The following MYO1D variants were observed in gnomAD, a reference collection of about 807,000 sequenced individuals.
The protein encoded by MYO1D is myosin ID, also known as unconventional myosin-Id.
MYO1D carries 83 observed loss-of-function variants against 122.0 expected under a neutral mutation model. The ratio of observed to expected loss-of-function variants is 0.68; its 90% CI spans 0.57 to 0.82. The LOEUF is 0.82. Among genes scored for constraint, MYO1D ranks in the 40% least tolerant of loss-of-function variants. The probability of loss-of-function intolerance (pLI) is 0.00; values close to 1 mark genes in which losing one functional copy is unlikely to be tolerated. For synonymous variants in MYO1D, 464 were observed against 446.9 expected (o/e 1.04, Z -0.48); for missense variants, 1,157 against 1,269.5 (o/e 0.91, Z 1.35).
intron 20 of MYO1D, among the ~76,000 whole-genome samples, chr17:32,627,588 T>C (rs1268762348): frequency 6.6e-6 from 1 of 152,116 alleles, no homozygotes; most frequent in Non-Finnish European, 1.5e-5. Flanking sequence ...GTTCAGATAA[T>C]TGTCTCTTTT....
chr17:32,544,568 C>G (rs2086948395), intron 21 of MYO1D, among the ~76,000 whole-genome samples: 2 of 152,182 alleles, frequency 1.3e-5, no homozygotes, highest in Admixed American at 1.3e-4. Flanking sequence ...TGAAGGTACT[C>G]TTAGAGAATA....
intron 1 of MYO1D, among the ~76,000 whole-genome samples, chr17:32,852,695 T>C (rs1188868085): frequency 6.6e-6 from 1 of 152,222 alleles, no homozygotes; most frequent in African/African-American, 2.4e-5. Flanking sequence ...AATTGAATTA[T>C]GGGTGAATAT....
At chr17:32,498,115 C>T (rs1909186276) in intron 21 of MYO1D, 1 of 152,312 alleles carries the variant, frequency 6.6e-6, no homozygotes, top group Non-Finnish European at 1.5e-5. Context: ...AGAGACTCGC[C>T]TGAGTGCTGA....
At chr17:32,580,288 G>A in intron 21 of MYO1D, among the ~76,000 whole-genome samples, 1 of 83,638 alleles carries the variant, frequency 1.2e-5, no homozygotes, top group South Asian at 4.7e-4. Context: ...CTGCTAAGAG[G>A]ATTTTTTTTT....
intron 20 of MYO1D, among the ~76,000 whole-genome samples, chr17:32,606,607 T>G (rs1320435139): frequency 1.3e-5 from 2 of 152,232 alleles, no homozygotes; most frequent in African/African-American, 2.4e-5. Context: ...ATCCACAGAT[T>G]GTATCAAGTG....
chr17:32,848,810 T>C (rs2090960313), intron 1 of MYO1D, among the ~76,000 whole-genome samples: 1 of 152,154 alleles, frequency 6.6e-6, no homozygotes, highest in Non-Finnish European at 1.5e-5. Flanking sequence ...TTCAGTGCAG[T>C]AGTCCCATGT....
At chr17:32,511,606 T>TG (rs992625986) in intron 21 of MYO1D, among the ~76,000 whole-genome samples, 130 of 66,960 alleles carry the variant, frequency 1.9e-3, no homozygotes, top group African/African-American at 0.011. Flanking sequence ...TGTATTGAAC[T>TG]TTTTTTTTTT....
intron 1 of MYO1D, among the ~76,000 whole-genome samples, chr17:32,876,516 G>C (rs2091232354): frequency 6.6e-6 from 1 of 152,078 alleles, no homozygotes; most frequent in Admixed American, 6.5e-5. Flanking sequence ...CCCGGACAGC[G>C]CCCAGGGCTC....
At chr17:32,824,255 A>T (rs2090701943) in intron 1 of MYO1D, among the ~76,000 whole-genome samples, 1 of 152,180 alleles carries the variant, frequency 6.6e-6, no homozygotes, top group African/African-American at 2.4e-5. Context: ...GAACAAAACA[A>T]CCCTGAAAGT....
intron 21 of MYO1D, among the ~76,000 whole-genome samples, chr17:32,569,003 T>C (rs1246509556): frequency 6.6e-6 from 1 of 152,200 alleles, no homozygotes; most frequent in African/African-American, 2.4e-5. Flanking sequence ...ACCCCCAATA[T>C]GTAGAGGAGT....
At chr17:32,614,045 C>A (rs2087739795) in intron 20 of MYO1D, among the ~76,000 whole-genome samples, 1 of 144,494 alleles carries the variant, frequency 6.9e-6, no homozygotes, top group Admixed American at 7.0e-5. Flanking sequence ...GTATTTATTG[C>A]TATTTCATCA....
chr17:32,618,775 C>T (rs2087813104), intron 20 of MYO1D, among the ~76,000 whole-genome samples: 1 of 151,966 alleles, frequency 6.6e-6, no homozygotes, highest in South Asian at 2.1e-4. Context: ...GCTGGGATTA[C>T]AGGCGACTGC....
chr17:32,677,585 ATATATAT>A (rs1567943810), intron 16 of MYO1D, among the ~76,000 whole-genome samples: 18 of 8,630 alleles, frequency 2.1e-3, no homozygotes, highest in African/African-American at 5.1e-3. Flanking sequence ...AGATAAATAT[ATATATAT>A]ATATATATAT....
At chr17:32,847,469 G>A (rs1221482898) in intron 1 of MYO1D, among the ~76,000 whole-genome samples, 4 of 152,118 alleles carry the variant, frequency 2.6e-5, no homozygotes, top group Admixed American at 2.6e-4. Context: ...TGGAACTTTG[G>A]AACTGTCTCA....
At chr17:32,498,350 T>C (rs553548781) in intron 21 of MYO1D, 3 of 152,386 alleles carry the variant, frequency 2.0e-5, no homozygotes, top group East Asian at 3.9e-4. Flanking sequence ...CCTGATCCCT[T>C]TGAGGTCTTA....
intron 1 of MYO1D, among the ~76,000 whole-genome samples, chr17:32,784,857 G>A (rs572390442): frequency 2.6e-5 from 4 of 152,258 alleles, no homozygotes; most frequent in African/African-American, 9.6e-5. Context: ...ACCGGAAGGT[G>A]GTTGGCCCAG....
At chr17:32,678,710 A>G (rs2088862465) in intron 16 of MYO1D, among the ~76,000 whole-genome samples, 1 of 147,186 alleles carries the variant, frequency 6.8e-6, no homozygotes, top group Non-Finnish European at 1.5e-5. Flanking sequence ...ATAATGCCGC[A>G]ATAAACATAC....
At chr17:32,509,574 A>G (rs1051166401) in intron 21 of MYO1D, among the ~76,000 whole-genome samples, 5 of 151,888 alleles carry the variant, frequency 3.3e-5, no homozygotes, top group South Asian at 2.1e-4. Context: ...ATGTGGGCAG[A>G]TATTTCTTTT....
chr17:32,757,570 A>G (rs187772320), intron 10 of MYO1D, among the ~76,000 whole-genome samples: 1 of 151,444 alleles, frequency 6.6e-6, no homozygotes, highest in East Asian at 1.9e-4. Context: ...CCATCTTTGG[A>G]AAAAAAATCC....
Sources: allele counts gnomAD v4.1 joint callset (sites outside exome capture counted in the v4.1 genomes callset), GRCh38; gene constraint gnomAD v4.1.1; transcripts MANE v1.5; gene names NCBI Gene and HGNC (gene_info 2026-07-23, HGNC 2026-07-21).